The following SH2B1 variants were observed in gnomAD, a reference collection of about 807,000 sequenced individuals.
The protein encoded by SH2B1 is SH2B adapter protein 1.
Under a neutral mutation model 62.6 loss-of-function variants are expected in SH2B1, and 15 were observed. The ratio of observed to expected loss-of-function variants is 0.24; its 90% CI spans 0.16 to 0.37. The LOEUF (loss-of-function observed/expected upper bound fraction) is 0.37. SH2B1 is among the 10% of genes least tolerant of loss of function. The probability of loss-of-function intolerance (pLI) is 1.00; values close to 1 mark genes in which losing one functional copy is unlikely to be tolerated. For synonymous variants in SH2B1, 443 were observed against 438.0 expected (o/e 1.01, Z -0.14); for missense variants, 925 against 1,015.6 (o/e 0.91, Z 1.21).
At chr16:28,869,147 G>C (rs1182250051) in intron 3 of SH2B1, 50 bp downstream of exon 3, 3 of 1,613,226 alleles carry the variant, frequency 1.9e-6, no homozygotes, top group Middle Eastern at 1.6e-4. Context: ...GGGTTGGGGA[G>C]CAGCCTTGCG....
intron 1 of SH2B1, among the ~76,000 whole-genome samples, chr16:28,858,732 G>C (rs1220180625): frequency 6.6e-6 from 1 of 152,000 alleles, no homozygotes. Flanking sequence ...TTGAGGCTGG[G>C]AGTTCGGGAC....
At chr16:28,852,826 A>ATATT (rs1386451041) in intron 1 of SH2B1, among the ~76,000 whole-genome samples, 14 of 40,572 alleles carry the variant, frequency 3.5e-4, no homozygotes, top group African/African-American at 1.5e-3. Context: ...TTACATATAT[A>ATATT]TTTATATATA....
intron 1 of SH2B1, 59 bp from the exon 2 acceptor site, chr16:28,867,272 A>G: frequency 1.5e-6 from 2 of 1,375,084 alleles, no homozygotes; most frequent in Non-Finnish European, 2.1e-6. Flanking sequence ...GTCTGGAGGG[A>G]GGGGAAGAGT....
chr16:28,872,597 A>G lies in SH2B1; in HGVS notation c.1789A>G (p.Ile597Val), dbSNP rs1284949926. ...GGTCCAGCACCTGTGGTTCCAGTCC[A>G]TTTTCGATATGCTCGAGCACTTCCG... ...CRVQHLWFQS[I>V]FDMLEHFRVH... The change falls in exon 7 of 8, where the codon ATT becomes GTT. Residue 597 changes from isoleucine (I) to valine (V), a missense_variant. Coordinates refer to ENST00000684370, the MANE Select transcript of SH2B1 (RefSeq NM_001387430.1). This position sits in a 1 kb window ranked among gnomAD's most constrained non-coding sequence, Gnocchi z 5.3. 1.2e-6 allele frequency: 2 copies of G among 1,613,874 alleles called. No homozygotes were observed. The highest frequency in any genetic ancestry group is 1.1e-5 in the South Asian group (1 of 91,082).
intron 1 of SH2B1, among the ~76,000 whole-genome samples, chr16:28,852,928 TTATA>T (rs55973928): frequency 1.6e-5 from 1 of 60,850 alleles, no homozygotes; most frequent in South Asian, 7.1e-4. Flanking sequence ...ATATATATTT[TTATA>T]TATATGTACA....
chr16:28,870,500 G>A (rs1185954229), intron 4 of SH2B1, among the ~76,000 whole-genome samples: 1 of 152,120 alleles, frequency 6.6e-6, no homozygotes, highest in Non-Finnish European at 1.5e-5. Context: ...TGGGAAATTG[G>A]GTTAAAGTGG....
In SH2B1 at chr16:28,871,808, C is replaced by T. The variant is rs774224296; in HGVS notation, c.1338C>T (p.Pro446=). The change falls in exon 5 of 8, where the codon CCC becomes CCT. Residue 446 remains proline, a synonymous_variant. Transcript: ENST00000684370. ...QGAYGGLSDR[P]SASISPSSAS... ...CATATGGGGGCCTCTCAGACCGCCCCTCGGCATCCATCTCCCCCAGCTCTG... is the reference window on the plus strand; with the variant it reads ...CATATGGGGGCCTCTCAGACCGCCCTTCGGCATCCATCTCCCCCAGCTCTG... 6.2e-7 allele frequency: 1 copy of T among 1,614,112 alleles called. No homozygotes were observed. The highest frequency in any genetic ancestry group is 8.5e-7 in the Non-Finnish European group (1 of 1,179,972).
upstream of SH2B1, chr16:28,862,056 T>C (rs1301661277): frequency 6.6e-6 from 1 of 152,202 alleles, no homozygotes; most frequent in Non-Finnish European, 1.5e-5. Context: ...CCTGTCTGAA[T>C]CTGTCCGCTC....
chr16:28,848,379 A>G (rs1487697960), intron 1 of SH2B1, among the ~76,000 whole-genome samples: 1 of 151,980 alleles, frequency 6.6e-6, no homozygotes, highest in African/African-American at 2.4e-5. Flanking sequence ...CGGAGCTTGC[A>G]GTGAGCTGAG....
chr16:28,872,622 G>A lies in SH2B1; in HGVS notation c.1814G>A (p.Arg605Gln), dbSNP rs1380677706. The change falls in exon 7 of 8, where the codon CGG (arginine) becomes CAG (glutamine). Residue 605 changes from arginine (R) to glutamine (Q), a missense_variant. Arg to Gln is a conservative substitution (Grantham distance 43). Transcript: ENST00000684370. This position sits in a 1 kb window ranked among gnomAD's most constrained non-coding sequence, Gnocchi z 5.3. The stretch of plus-strand genomic sequence containing the variant: ...ATTTTCGATATGCTCGAGCACTTCC[G>A]GGTGCACCCCATCCCTTTGGAGTCG... ...QSIFDMLEHF[R>Q]VHPIPLESGG... 1.2e-6 allele frequency: 2 copies of A among 1,614,024 alleles called. No individual in the cohort carries two copies. The highest frequency in any genetic ancestry group is 1.3e-5 in the African/African-American group (1 of 74,936).
intron 1 of SH2B1, among the ~76,000 whole-genome samples, chr16:28,858,678 A>G (rs1446446750): frequency 6.6e-6 from 1 of 152,020 alleles, no homozygotes; most frequent in Non-Finnish European, 1.5e-5. Context: ...AGTGGCTCAC[A>G]CTTGTAATCC....
Position 28,872,123 on chromosome 16 carries a change from T to A in SH2B1, c.1514-67T>A. 6.6e-7 allele frequency: 1 copy of A among 1,518,918 alleles called. No individual in the cohort carries two copies. The highest frequency in any genetic ancestry group is 1.4e-5 in the African/African-American group (1 of 72,192). 94.1% of individuals were successfully genotyped at this position (1,518,918 alleles called of 1,614,324 possible). On this transcript the variant is annotated intron_variant, in intron 5 of 7. Transcript: ENST00000684370. The surrounding 1 kb of genome is among the most constrained non-coding windows in gnomAD (Gnocchi z 5.3). ...AGGCGCCTTGAGGGGAAGGCAAGGC[T>A]TTTTTCTCCCAGGATGGGGGAGGCT...
At chr16:28,850,105 C>T (rs1962062591) in intron 1 of SH2B1, among the ~76,000 whole-genome samples, 1 of 152,118 alleles carries the variant, frequency 6.6e-6, no homozygotes, top group African/African-American at 2.4e-5. Flanking sequence ...GAAGTCTTGA[C>T]TTACAGATAA....
Position 28,872,136 on chromosome 16 carries a change from G to C in SH2B1, c.1514-54G>C. The C allele has an allele frequency of 6.4e-7, 1 of 1,553,372 alleles. No individual in the cohort carries two copies. Among genetic ancestry groups the C allele is most frequent in the Non-Finnish European group, 8.8e-7 (1 of 1,132,628 alleles). On this transcript the variant is annotated intron_variant, in intron 5 of 7. Coordinates refer to ENST00000684370, the MANE Select transcript of SH2B1 (RefSeq NM_001387430.1). This position sits in a 1 kb window ranked among gnomAD's most constrained non-coding sequence, Gnocchi z 5.3. ...GGAAGGCAAGGCTTTTTTCTCCCAG[G>C]ATGGGGGAGGCTGCCCTGACACCCC... is the stretch of plus-strand genomic sequence containing the variant.
chr16:28,862,154 T>A (rs1243395001), upstream of SH2B1: 1 of 152,202 alleles, frequency 6.6e-6, no homozygotes, highest in African/African-American at 2.4e-5. Flanking sequence ...GGGTGGAGGA[T>A]CTCACTGTGC....
At chr16:28,855,929 C>T (rs1962314770) in intron 1 of SH2B1, among the ~76,000 whole-genome samples, 1 of 149,518 alleles carries the variant, frequency 6.7e-6, no homozygotes, top group South Asian at 2.1e-4. Flanking sequence ...CCTCGGCCTC[C>T]CAAAGTGCTG....
intron 1 of SH2B1, among the ~76,000 whole-genome samples, chr16:28,852,222 A>ATT (rs1491230239): frequency 7.7e-5 from 3 of 38,810 alleles, no homozygotes; most frequent in Admixed American, 2.8e-4. Flanking sequence ...ATATATTTAC[A>ATT]TATATATTTA....
Position 28,873,203 on chromosome 16 carries a change from G to A in SH2B1, c.1898-244G>A, listed in dbSNP as rs1304541037. On this transcript the variant is annotated intron_variant, in intron 7 of 7. Transcript: ENST00000684370. This position sits in a 1 kb window ranked among gnomAD's most constrained non-coding sequence, Gnocchi z 4.2. ...CAGGCTGGGAGCCATGCGGGGGTGT[G>A]CGAGGGAGATGGATGCCACCCCGAT... 1.3e-6 allele frequency: 2 copies of A among 1,598,686 alleles called. No homozygotes were observed. Among genetic ancestry groups the A allele is most frequent in the South Asian group, 1.1e-5 (1 of 89,042 alleles).
In SH2B1 at chr16:28,873,649, CGTGGTTGAA is replaced by C. The variant is rs1362404997; in HGVS notation, c.2101_2109del (p.Val701_Glu703del). The C allele has an allele frequency of 6.5e-7, 1 of 1,533,340 alleles. No homozygotes were observed. The highest frequency in any genetic ancestry group is 8.8e-7 in the Non-Finnish European group (1 of 1,138,604). 95.0% of individuals were successfully genotyped at this position (1,533,340 alleles called of 1,614,324 possible). ...TGGTCCCCGTGGTTGAGCTGGTCCC[CGTGGTTGAA>C]TTGGAAGAGGCCATAGCCCCAGGCT... On this transcript the variant is annotated inframe_deletion, in exon 8 of 8. Coordinates refer to ENST00000684370, the MANE Select transcript of SH2B1 (RefSeq NM_001387430.1). The surrounding 1 kb of genome is among the most constrained non-coding windows in gnomAD (Gnocchi z 4.2).
Sources: allele counts gnomAD v4.1 joint callset (sites outside exome capture counted in the v4.1 genomes callset), GRCh38; gene constraint gnomAD v4.1.1; non-coding constraint Gnocchi (gnomAD v3.1); transcripts MANE v1.5; gene names NCBI Gene and HGNC (gene_info 2026-07-23, HGNC 2026-07-21).